ATP8B4: variants seen among roughly 807,000 people sequenced by gnomAD.
ATP8B4 encodes the protein ATPase phospholipid transporting 8B4 (putative).
A neutral mutation model predicts 145.6 loss-of-function variants in ATP8B4; 133 were observed. That is an observed-to-expected ratio of 0.91 (90% CI 0.79 to 1.05). The LOEUF (loss-of-function observed/expected upper bound fraction) is 1.05. Among genes scored for constraint, ATP8B4 ranks in the 50% least tolerant of loss-of-function variants. The probability of loss-of-function intolerance (pLI) is 0.00; values close to 1 mark genes in which losing one functional copy is unlikely to be tolerated. For synonymous variants in ATP8B4, 507 were observed against 492.9 expected (o/e 1.03, Z -0.38); for missense variants, 1,458 against 1,425.2 (o/e 1.02, Z -0.37).
intron 6 of ATP8B4, among the ~76,000 whole-genome samples, chr15:50,037,025 A>T (rs2050888967): frequency 6.6e-6 from 1 of 152,228 alleles, no homozygotes; most frequent in Non-Finnish European, 1.5e-5. Context: ...AATGACAGTC[A>T]CCATGTGTGG....
intron 2 of ATP8B4, among the ~76,000 whole-genome samples, chr15:50,092,429 G>T (rs1388149015): frequency 1.3e-5 from 2 of 151,966 alleles, no homozygotes; most frequent in Non-Finnish European, 2.9e-5. Context: ...AATAAAAACA[G>T]ATGATCCAGA....
At chr15:50,008,390 A>G (rs2048474580) in intron 7 of ATP8B4, among the ~76,000 whole-genome samples, 1 of 152,220 alleles carries the variant, frequency 6.6e-6, no homozygotes, top group Non-Finnish European at 1.5e-5. Context: ...TAACAAGAGG[A>G]AGAGTGGAAA....
chr15:49,892,692 A>G (rs2036961257), intron 23 of ATP8B4, among the ~76,000 whole-genome samples: 1 of 152,362 alleles, frequency 6.6e-6, no homozygotes, highest in East Asian at 1.9e-4. Context: ...TAGAAAAAGC[A>G]GCGTTCCATG....
At chr15:50,040,739 T>C (rs952907807) in intron 5 of ATP8B4, among the ~76,000 whole-genome samples, 16 of 152,286 alleles carry the variant, frequency 1.1e-4, no homozygotes, top group African/African-American at 3.6e-4. Context: ...GGACTTGATA[T>C]TGGAGTAGAT....
intron 23 of ATP8B4, among the ~76,000 whole-genome samples, chr15:49,890,844 G>A (rs553271887): frequency 3.3e-5 from 5 of 152,180 alleles, no homozygotes; most frequent in African/African-American, 9.6e-5. Flanking sequence ...CTTCAATACC[G>A]CGAACATGCC....
At chr15:49,961,661 T>C (rs1490193289) in intron 14 of ATP8B4, among the ~76,000 whole-genome samples, 2 of 152,182 alleles carry the variant, frequency 1.3e-5, no homozygotes, top group Non-Finnish European at 2.9e-5. Context: ...CAAGATATAT[T>C]GTTGAGAACG....
chr15:49,907,848 T>C (rs2038790402), intron 20 of ATP8B4, among the ~76,000 whole-genome samples: 2 of 152,364 alleles, frequency 1.3e-5, no homozygotes, highest in African/African-American at 2.4e-5. Flanking sequence ...TACTTGCTAA[T>C]CTGGTGTCTG....
chr15:50,048,272 G>A (rs193016192), intron 3 of ATP8B4, among the ~76,000 whole-genome samples: 69 of 152,120 alleles, frequency 4.5e-4, no homozygotes, highest in African/African-American at 1.6e-3. Context: ...TGCTTGTCGG[G>A]GGGCACTTAG....
Position 49,917,045 on chromosome 15 carries a change from A to G in ATP8B4, c.2036-6T>C. 6.2e-7 allele frequency: 1 copy of G among 1,613,210 alleles called. No homozygotes were observed. Among genetic ancestry groups the G allele is most frequent in the South Asian group, 1.1e-5 (1 of 91,028 alleles). On this transcript the variant is annotated splice_region_variant and splice_polypyrimidine_tract_variant and intron_variant, in intron 19 of 27. Transcript: ENST00000284509. Reference sequence around the variant, plus strand: ...ACCGATGTTGATGGCAGTTTCTAACACAAAATAAAGCCCAATTCAGTTAAA... The same window carrying G: ...ACCGATGTTGATGGCAGTTTCTAACGCAAAATAAAGCCCAATTCAGTTAAA...
At chr15:50,021,792 A>G (rs1199335385) in intron 6 of ATP8B4, among the ~76,000 whole-genome samples, 33 of 152,330 alleles carry the variant, frequency 2.2e-4, no homozygotes, top group Non-Finnish European at 5.9e-5. Flanking sequence ...TCATTTCTGT[A>G]TCCTTAGTAC....
chr15:49,902,420 T>C (rs959641162), intron 20 of ATP8B4: 13 of 152,160 alleles, frequency 8.5e-5, no homozygotes, highest in African/African-American at 3.1e-4. Flanking sequence ...CACCAATTGT[T>C]TACATACTAA....
chr15:50,041,257 T>C (rs2051262054), intron 5 of ATP8B4, among the ~76,000 whole-genome samples: 1 of 152,218 alleles, frequency 6.6e-6, no homozygotes, highest in South Asian at 2.1e-4. Context: ...CAAATGATTG[T>C]TGAAATTTCC....
chr15:50,139,628 G>A (rs2044180456), intron 1 of ATP8B4, among the ~76,000 whole-genome samples: 2 of 152,138 alleles, frequency 1.3e-5, no homozygotes, highest in African/African-American at 2.4e-5. Flanking sequence ...GTGTCCGTTC[G>A]ATGGATGAGT....
intron 20 of ATP8B4, among the ~76,000 whole-genome samples, chr15:49,905,314 T>C (rs928360673): frequency 1.3e-5 from 2 of 152,232 alleles, no homozygotes; most frequent in African/African-American, 4.8e-5. Flanking sequence ...ATCCTGTTCT[T>C]TGGTTACACT....
At position 49,871,827 on chromosome 15, in the gene ATP8B4, G is replaced by C. The variant is rs187596720; in HGVS notation, c.3027+4451C>G. Among the ~76,000 whole-genome samples the C allele has an allele frequency of 3.9e-5, 6 of 152,256 alleles. No homozygotes were observed. The East Asian group carries it at 1.2e-3, about 29-fold the overall frequency. ...TTTTCTAACCTCATCCTCCTCTCCA[G>C]AAAGTTATCCTCAATCTCCTAGCTG... On this transcript the variant is annotated intron_variant, in intron 25 of 27. Transcript: ENST00000284509.
Position 49,930,109 on chromosome 15 carries a change from T to C in ATP8B4, c.1642+1010A>G, listed in dbSNP as rs183319319. Among the ~76,000 whole-genome samples the C allele has an allele frequency of 2.0e-5, 3 of 151,812 alleles. No homozygotes were observed. The East Asian group carries it at 5.9e-4, about 30-fold the overall frequency. The stretch of plus-strand genomic sequence containing the variant: ...AAGGAAGGAGCCAGTAATTGAGAAA[T>C]TGAAGGCAAAAGCAAGAAGTGAGCA... On this transcript the variant is annotated intron_variant, in intron 16 of 27. Coordinates refer to ENST00000284509, the MANE Select transcript of ATP8B4 (RefSeq NM_024837.4).
intron 20 of ATP8B4, among the ~76,000 whole-genome samples, chr15:49,907,499 T>C (rs2038747525): frequency 1.3e-5 from 2 of 152,140 alleles, no homozygotes; most frequent in African/African-American, 4.8e-5. Context: ...ACAAAAGTAG[T>C]CCTTGTTGGT....
chr15:49,981,358 C>A, intron 10 of ATP8B4, 64 bp from the exon 11 acceptor site: 2 of 1,246,230 alleles, frequency 1.6e-6, no homozygotes, highest in South Asian at 2.6e-5. Flanking sequence ...TATTAATGCT[C>A]ATATCAAATG....
chr15:49,881,899 G>C (rs1447909249), intron 23 of ATP8B4, among the ~76,000 whole-genome samples: 4 of 152,226 alleles, frequency 2.6e-5, no homozygotes, highest in Non-Finnish European at 5.9e-5. Flanking sequence ...TCAAGATCAA[G>C]AAGAGAATTA....
Sources: gnomAD v4.1 joint callset for allele counts (sites outside exome capture counted in the v4.1 genomes callset) on GRCh38, gnomAD v4.1.1 for gene constraint, MANE v1.5 for transcripts, NCBI Gene and HGNC (gene_info 2026-07-23, HGNC 2026-07-21) for gene names.